NEK11: variants seen among roughly 807,000 people sequenced by gnomAD.
NEK11 encodes the protein serine/threonine-protein kinase Nek11.
A neutral mutation model predicts 80.7 loss-of-function variants in NEK11; 72 were observed. That is an observed-to-expected ratio of 0.89 (90% CI 0.74 to 1.08). The LOEUF (loss-of-function observed/expected upper bound fraction) is 1.08. Among genes scored for constraint, NEK11 ranks in the 50% least tolerant of loss-of-function variants. The pLI is 0.00. For missense variants in NEK11, 764 were observed against 763.6 expected, an observed-to-expected ratio of 1.00 and a Z score of -0.01; for synonymous variants, 251 against 260.7, an observed-to-expected ratio of 0.96 and a Z score of 0.36.
chr3:131,267,833 G>A (rs563934391), intron 16 of NEK11, among the ~76,000 whole-genome samples: 216 of 152,160 alleles, frequency 1.4e-3, no homozygotes, highest in African/African-American at 4.9e-3. Flanking sequence ...TGCTAGGTTG[G>A]GGAAGTTCTC....
chr3:131,280,879 T>C (rs754138972), intron 17 of NEK11, among the ~76,000 whole-genome samples: 3 of 152,216 alleles, frequency 2.0e-5, no homozygotes, highest in Non-Finnish European at 2.9e-5. Context: ...TTATTTCCCA[T>C]TACTGCAGCA....
chr3:131,043,873 G>C (rs1047069931), intron 3 of NEK11, among the ~76,000 whole-genome samples: 1 of 152,180 alleles, frequency 6.6e-6, no homozygotes, highest in Non-Finnish European at 1.5e-5. Flanking sequence ...AGAAAGGTTG[G>C]TTTACCCACA....
chr3:131,291,931 G>T (rs1336051895), intron 17 of NEK11, among the ~76,000 whole-genome samples: 1 of 152,122 alleles, frequency 6.6e-6, no homozygotes, highest in Non-Finnish European at 1.5e-5. Context: ...TCACAGAGCG[G>T]TCCAGATTAT....
intron 16 of NEK11, among the ~76,000 whole-genome samples, chr3:131,247,212 G>GT (rs1156517735): frequency 6.6e-6 from 1 of 152,024 alleles, no homozygotes; most frequent in African/African-American, 2.4e-5. Context: ...GTCTACACGG[G>GT]TTTTTTCTGA....
intron 17 of NEK11, among the ~76,000 whole-genome samples, chr3:131,337,799 C>A (rs76460459): frequency 0.054 from 8,151 of 152,094 alleles, 404 homozygotes; most frequent in East Asian, 0.28. Context: ...CTGAACCCCC[C>A]CTCCATGTAG....
chr3:131,174,109 T>C (rs2092862665), intron 14 of NEK11, among the ~76,000 whole-genome samples: 1 of 152,336 alleles, frequency 6.6e-6, no homozygotes, highest in East Asian at 1.9e-4. Context: ...AATACAGCCT[T>C]GATAGGCATT....
chr3:131,081,091 T>A, intron 4 of NEK11, among the ~76,000 whole-genome samples: 1 of 152,124 alleles, frequency 6.6e-6, no homozygotes, highest in Non-Finnish European at 1.5e-5. Context: ...GCCTGGGCGA[T>A]AGAGTGAGAC....
chr3:131,310,330 C>T (rs1179077591), intron 17 of NEK11, among the ~76,000 whole-genome samples: 1 of 152,146 alleles, frequency 6.6e-6, no homozygotes, highest in African/African-American at 2.4e-5. Context: ...GGACAGTTTT[C>T]AGGTGCCCAT....
intron 3 of NEK11, among the ~76,000 whole-genome samples, chr3:131,066,731 A>G (rs1388158957): frequency 1.3e-5 from 2 of 151,514 alleles, no homozygotes; most frequent in Non-Finnish European, 1.5e-5. Flanking sequence ...AATCCCAGCT[A>G]CTCGGGAGGC....
chr3:131,172,888 A>G (rs2092777920), intron 14 of NEK11, among the ~76,000 whole-genome samples: 1 of 152,234 alleles, frequency 6.6e-6, no homozygotes, highest in Admixed American at 6.5e-5. Context: ...CCAAGATGGC[A>G]AAGAAAGTGA....
At chr3:131,173,470 G>T (rs547284582) in intron 14 of NEK11, among the ~76,000 whole-genome samples, 1 of 151,718 alleles carries the variant, frequency 6.6e-6, no homozygotes, top group Non-Finnish European at 1.5e-5. Context: ...GTTTCAAATA[G>T]GAAAAGTACT....
At position 131,169,961 on chromosome 3, in the gene NEK11, G is replaced by A. The variant is rs113354518; in HGVS notation, c.1285-812G>A. Among the ~76,000 whole-genome samples the A allele has an allele frequency of 2.6e-3, 397 of 152,184 alleles. 1 individual carries two copies. The highest frequency in any genetic ancestry group is 8.9e-3 in the African/African-American group (370 of 41,514). On this transcript the variant is annotated intron_variant, in intron 13 of 17. Transcript: ENST00000383366. ...TCGCCTCCTGAAACAATTATTATGC[G>A]GTACAGAAAACTGACTTCTTAAAAA...
intron 13 of NEK11, 89 bp from the exon 14 acceptor site, chr3:131,170,684 A>G (rs2092625968): frequency 1.2e-6 from 1 of 838,382 alleles, no homozygotes; most frequent in Non-Finnish European, 2.0e-6. Flanking sequence ...GTTTCCAAGT[A>G]GTCTTCTAAA....
intron 4 of NEK11, among the ~76,000 whole-genome samples, chr3:131,096,076 T>C (rs2077382706): frequency 1.3e-5 from 2 of 152,122 alleles, no homozygotes; most frequent in East Asian, 1.9e-4. Flanking sequence ...AAAATTGACA[T>C]ATTTTTGTTA....
chr3:131,290,425 G>T (rs1294249200), intron 17 of NEK11, among the ~76,000 whole-genome samples: 3 of 152,218 alleles, frequency 2.0e-5, no homozygotes, highest in Non-Finnish European at 2.9e-5. Context: ...GCAATGTTCT[G>T]ATCTCAAGAA....
intron 16 of NEK11, among the ~76,000 whole-genome samples, chr3:131,268,900 G>C (rs1355075670): frequency 6.6e-6 from 1 of 152,236 alleles, no homozygotes; most frequent in Non-Finnish European, 1.5e-5. Flanking sequence ...CTGTCCCAGG[G>C]AGATTGGGGT....
chr3:131,316,356 CA>C (rs1208254610), intron 17 of NEK11, among the ~76,000 whole-genome samples: 1 of 152,156 alleles, frequency 6.6e-6, no homozygotes, highest in African/African-American at 2.4e-5. Context: ...GCTAACCCTG[CA>C]TGCCTGTTCC....
At chr3:131,248,120 T>C (rs2095636613) in intron 16 of NEK11, among the ~76,000 whole-genome samples, 1 of 152,080 alleles carries the variant, frequency 6.6e-6, no homozygotes, top group Non-Finnish European at 1.5e-5. Flanking sequence ...GTAGGACTCC[T>C]AGTACTGTGT....
intron 17 of NEK11, among the ~76,000 whole-genome samples, chr3:131,289,129 GT>G (rs2096515536): frequency 6.6e-6 from 1 of 152,178 alleles, no homozygotes; most frequent in African/African-American, 2.4e-5. Context: ...GTGCCAGCAG[GT>G]TTGGTTTCTC....
Sources: gnomAD v4.1 joint callset for allele counts (sites outside exome capture counted in the v4.1 genomes callset) on GRCh38, gnomAD v4.1.1 for gene constraint, MANE v1.5 for transcripts, NCBI Gene and HGNC (gene_info 2026-07-23, HGNC 2026-07-21) for gene names.